Variants in TRIO observed in about 807,000 individuals in gnomAD.
TRIO encodes triple functional domain protein.
A neutral mutation model predicts 351.9 loss-of-function variants in TRIO; 58 were observed. The observed-to-expected ratio is 0.16, with a 90% CI of 0.13 to 0.21. The LOEUF (loss-of-function observed/expected upper bound fraction) is 0.21, where lower values mean the gene tolerates loss of function less well. Among genes scored for constraint, TRIO ranks in the 10% least tolerant of loss-of-function variants. The pLI, the probability that TRIO is intolerant of heterozygous loss-of-function variation, is 1.00. For missense variants in TRIO, 3,201 were observed against 4,027.8 expected, an observed-to-expected ratio of 0.79 and a Z score of 5.56; for synonymous variants, 1,758 against 1,595.7, an observed-to-expected ratio of 1.10 and a Z score of -2.42.
At chr5:14,157,989 C>T (rs1788219002) in intron 1 of TRIO, among the ~76,000 whole-genome samples, 1 of 152,176 alleles carries the variant, frequency 6.6e-6, no homozygotes, top group Non-Finnish European at 1.5e-5. Context: ...TGCCCATAAA[C>T]ATCCTCATGC....
chr5:14,436,066 C>T (rs1274966138), intron 34 of TRIO, among the ~76,000 whole-genome samples: 10 of 152,208 alleles, frequency 6.6e-5, no homozygotes, highest in Admixed American at 6.5e-4. Context: ...TCCCCTCCTC[C>T]ATCCTCCCCT....
chr5:14,396,441 A>ATGTTT (rs1579529919), intron 28 of TRIO, among the ~76,000 whole-genome samples: 1 of 57,692 alleles, frequency 1.7e-5, no homozygotes, highest in Non-Finnish European at 4.0e-5. Context: ...ATTTCTATTT[A>ATGTTT]TCTTTTTTTT....
intron 1 of TRIO, among the ~76,000 whole-genome samples, chr5:14,193,029 C>T (rs769036825): frequency 1.3e-5 from 2 of 152,004 alleles, no homozygotes; most frequent in African/African-American, 2.4e-5. Flanking sequence ...AAGTGGAGAC[C>T]CTGCTGGGAA....
intron 1 of TRIO, among the ~76,000 whole-genome samples, chr5:14,181,702 T>C (rs564818826): frequency 6.6e-6 from 1 of 152,292 alleles, no homozygotes; most frequent in African/African-American, 2.4e-5. Context: ...CCTGCTTGAC[T>C]TAGAGACCAA....
In TRIO at chr5:14,375,982, T is replaced by C. The variant is rs138490181; in HGVS notation, c.3331+1639T>C. ...ATAGTTGGCAGTGTCTAAAGGCATT[T>C]TTTATTGTCATCAAAAATGATGACA... On this transcript the variant is annotated intron_variant, in intron 19 of 56. Transcript: ENST00000344204. 7.2e-4 allele frequency among the ~76,000 whole-genome samples: 110 copies of C among 152,270 alleles called. 2 individuals are homozygous for C. The East Asian group carries it at 0.02, about 28-fold the overall frequency.
chr5:14,285,956 G>A (rs1736410850), intron 3 of TRIO, among the ~76,000 whole-genome samples: 1 of 152,182 alleles, frequency 6.6e-6, no homozygotes, highest in South Asian at 2.1e-4. Flanking sequence ...TTGTAACCAA[G>A]TGCGACTAAG....
intron 3 of TRIO, among the ~76,000 whole-genome samples, chr5:14,282,434 A>G (rs1736083624): frequency 6.6e-6 from 1 of 152,230 alleles, no homozygotes; most frequent in East Asian, 1.9e-4. Context: ...TTTGAATACT[A>G]TATAGTGGTA....
chr5:14,385,351 A>G (rs896748480), intron 21 of TRIO, among the ~76,000 whole-genome samples: 6 of 152,218 alleles, frequency 3.9e-5, no homozygotes, highest in African/African-American at 1.2e-4. Flanking sequence ...ACGGAGACCT[A>G]TTGGTGGAGA....
intron 5 of TRIO, 49 bp downstream of exon 5, chr5:14,291,277 G>T (rs781083645): frequency 1.9e-6 from 3 of 1,576,726 alleles, no homozygotes; most frequent in Non-Finnish European, 2.6e-6. Context: ...GGAAGCCAGC[G>T]CTGGTGGGTT....
chr5:14,317,606 C>T (rs1045628085), intron 9 of TRIO, among the ~76,000 whole-genome samples: 14 of 152,314 alleles, frequency 9.2e-5, no homozygotes, highest in African/African-American at 2.9e-4. Flanking sequence ...TTTGGAGAGT[C>T]GCCCTGTGTT....
chr5:14,273,760 A>G (rs906576202), intron 2 of TRIO, among the ~76,000 whole-genome samples: 2 of 152,242 alleles, frequency 1.3e-5, no homozygotes, highest in African/African-American at 2.4e-5. Flanking sequence ...CATCTTACAT[A>G]TAATGTCAAC....
chr5:14,462,936 A>G lies in TRIO; in HGVS notation c.5667+11A>G. ...TCACAGGATGACAAGGTAAAGGGGG[A>G]TGAGGGCTGGGGAATCCATGCCTGC... On this transcript the variant is annotated intron_variant, in intron 36 of 56. Coordinates refer to ENST00000344204, the MANE Select transcript of TRIO (RefSeq NM_007118.4). 1.3e-6 allele frequency: 2 copies of G among 1,572,490 alleles called. No individual in the cohort carries two copies. Among genetic ancestry groups the G allele is most frequent in the Admixed American group, 1.8e-5 (1 of 54,774 alleles).
chr5:14,390,967 G>A lies in TRIO; in HGVS notation c.4195G>A (p.Glu1399Lys). Residue 1399 changes from glutamate to lysine, a missense_variant, in exon 27 of 57, where the codon GAA (glutamate) becomes AAA (lysine). Around this residue, in one of 19 missense-constraint regions of TRIO, gnomAD observed 115 missense variants for 239.6 expected, o/e 0.48. Coordinates refer to ENST00000344204, the MANE Select transcript of TRIO (RefSeq NM_007118.4). ...GCCTGATTCTACTCAGCTGATATTGGAACATGCAGGGTCCTATTTTGACGT... is the reference window on the plus strand; with the variant it reads ...GCCTGATTCTACTCAGCTGATATTGAAACATGCAGGGTCCTATTTTGACGT... The part of the protein sequence containing the change: ...NKPDSTQLIL[E>K]HAGSYFDEIQ... 6.2e-7 allele frequency: 1 copy of A among 1,610,590 alleles called. No homozygotes were observed. Among genetic ancestry groups the A allele is most frequent in the Non-Finnish European group, 8.5e-7 (1 of 1,178,992 alleles).
chr5:14,326,770 G>A (rs779622429), intron 9 of TRIO, among the ~76,000 whole-genome samples: 1 of 152,170 alleles, frequency 6.6e-6, no homozygotes, highest in Non-Finnish European at 1.5e-5. Flanking sequence ...TGTTTTAAAT[G>A]GGAAGATTTC....
At chr5:14,479,117 G>A (rs1201274282) in intron 41 of TRIO, 144 bp from the exon 42 acceptor site, 8 of 689,270 alleles carry the variant, frequency 1.2e-5, no homozygotes, top group South Asian at 3.3e-5. Context: ...TCCTGAATCT[G>A]GAATTTACTC....
chr5:14,321,039 C>T (rs1000549215), intron 9 of TRIO, among the ~76,000 whole-genome samples: 11 of 152,146 alleles, frequency 7.2e-5, no homozygotes, highest in African/African-American at 2.2e-4. Flanking sequence ...TTCCTGAGAG[C>T]TTTTTCTGAA....
chr5:14,436,353 A>G (rs544262552), intron 34 of TRIO, among the ~76,000 whole-genome samples: 4 of 152,312 alleles, frequency 2.6e-5, no homozygotes, highest in Admixed American at 2.0e-4. Context: ...ACTTGCCCCC[A>G]TGATTCAATT....
chr5:14,300,383 A>T (rs1352271653), intron 7 of TRIO, among the ~76,000 whole-genome samples: 2 of 152,228 alleles, frequency 1.3e-5, no homozygotes, highest in South Asian at 2.1e-4. Flanking sequence ...AAATCATTTT[A>T]AAAAATAGAA....
chr5:14,439,542 G>A (rs933734697), intron 34 of TRIO, among the ~76,000 whole-genome samples: 8 of 152,212 alleles, frequency 5.3e-5, no homozygotes, highest in African/African-American at 1.4e-4. Context: ...AATAACGGTT[G>A]TAGTAACTGA....
Sources: allele counts gnomAD v4.1 joint callset (sites outside exome capture counted in the v4.1 genomes callset), GRCh38; gene constraint gnomAD v4.1.1; regional missense constraint gnomAD v4.1.1; transcripts MANE v1.5; gene names NCBI Gene and HGNC (gene_info 2026-07-23, HGNC 2026-07-21).